The following ACVR1 variants were observed in gnomAD, a reference collection of about 807,000 sequenced individuals.
ACVR1 encodes activin receptor type-1.
A neutral mutation model predicts 57.1 loss-of-function variants in ACVR1; 38 were observed. The ratio of observed to expected loss-of-function variants is 0.67; its 90% CI spans 0.51 to 0.87. ACVR1 has a LOEUF of 0.87. Among genes scored for constraint, ACVR1 ranks in the 40% least tolerant of loss-of-function variants. The probability of loss-of-function intolerance (pLI) is 0.00; values close to 1 mark genes in which losing one functional copy is unlikely to be tolerated. For missense variants in ACVR1, 463 were observed against 638.2 expected (o/e 0.73, Z 2.96); for synonymous variants, 212 against 228.1 (o/e 0.93, Z 0.63).
At chr2:157,866,449 G>A (rs944536260) in intron 1 of ACVR1, among the ~76,000 whole-genome samples, 2 of 152,096 alleles carry the variant, frequency 1.3e-5, no homozygotes, top group African/African-American at 2.4e-5. Context: ...GGAGGCGGGG[G>A]GGAAAGCTTC....
intron 9 of ACVR1, among the ~76,000 whole-genome samples, chr2:157,741,573 C>T (rs543370329): frequency 2.0e-4 from 30 of 149,968 alleles, no homozygotes; most frequent in African/African-American, 5.9e-4. Context: ...TGCAGTGAGC[C>T]GAGATAGTGC....
intron 2 of ACVR1, among the ~76,000 whole-genome samples, chr2:157,809,169 C>T (rs966612896): frequency 6.6e-6 from 1 of 152,044 alleles, no homozygotes; most frequent in African/African-American, 2.4e-5. Flanking sequence ...AAAGTTTCTC[C>T]AAGTCACACA....
At chr2:157,863,698 AG>A (rs1193132266) in intron 1 of ACVR1, among the ~76,000 whole-genome samples, 1 of 151,670 alleles carries the variant, frequency 6.6e-6, no homozygotes, top group Non-Finnish European at 1.5e-5. Context: ...CTCCATCTCA[AG>A]AAAAAAAATA....
chr2:157,863,076 C>T (rs536528349), intron 1 of ACVR1, among the ~76,000 whole-genome samples: 68 of 113,628 alleles, frequency 6.0e-4, no homozygotes, highest in African/African-American at 2.1e-3. Flanking sequence ...GGCTGGAATG[C>T]GGTGGTGCGA....
intron 2 of ACVR1, among the ~76,000 whole-genome samples, chr2:157,812,667 G>A (rs374364718): frequency 3.3e-5 from 5 of 152,046 alleles, no homozygotes; most frequent in Non-Finnish European, 2.9e-5. Flanking sequence ...TCATATATAC[G>A]CAAACAATTA....
intron 9 of ACVR1, among the ~76,000 whole-genome samples, chr2:157,748,826 C>T (rs1685070257): frequency 6.6e-6 from 1 of 152,170 alleles, no homozygotes; most frequent in Non-Finnish European, 1.5e-5. Flanking sequence ...AATTCCACTA[C>T]CTCACAGAAA....
chr2:157,758,159 C>T (rs142277815), intron 9 of ACVR1, among the ~76,000 whole-genome samples: 1 of 151,986 alleles, frequency 6.6e-6, no homozygotes, highest in East Asian at 1.9e-4. Flanking sequence ...CAAATAAAAA[C>T]CAAAAGCAAA....
chr2:157,737,401 G>A lies in ACVR1; in HGVS notation c.*130C>T. 1 of 1,249,796 alleles carries A rather than the reference G, an allele frequency of 8.0e-7. No individual in the cohort carries two copies. Among genetic ancestry groups the A allele is most frequent in the South Asian group, 1.3e-5 (1 of 78,584 alleles). 77.4% of individuals were successfully genotyped at this position (1,249,796 alleles called of 1,614,324 possible). On this transcript the variant is annotated 3_prime_UTR_variant, in exon 11 of 11. Coordinates refer to ENST00000434821, the MANE Select transcript of ACVR1 (RefSeq NM_001111067.4). ...CAACACATGGCTGGGTACGACGTCT[G>A]CCTTGTCAAAGCAGCCATTTGGGGA...
At chr2:157,824,047 T>C (rs957333722) in intron 1 of ACVR1, among the ~76,000 whole-genome samples, 5 of 152,150 alleles carry the variant, frequency 3.3e-5, no homozygotes, top group Admixed American at 6.5e-5. Flanking sequence ...TAATAAATGG[T>C]AGCTAATGTT....
chr2:157,795,591 C>T (rs1171195127), intron 3 of ACVR1, among the ~76,000 whole-genome samples: 1 of 152,104 alleles, frequency 6.6e-6, no homozygotes, highest in Non-Finnish European at 1.5e-5. Flanking sequence ...TTGTAAACAT[C>T]CTAATGGTGG....
Position 157,736,642 on chromosome 2 carries a change from G to C in ACVR1, c.*889C>G. On this transcript the variant is annotated 3_prime_UTR_variant, in exon 11 of 11. Coordinates refer to ENST00000434821, the MANE Select transcript of ACVR1 (RefSeq NM_001111067.4). ...TTGCTTCTAAATCAGTAATATATTC[G>C]GTGGTGTCACGTGGGTAATGGCTAA... 3.2e-6 allele frequency: 1 copy of C among 311,906 alleles called. No individual in the cohort carries two copies. The highest frequency in any genetic ancestry group is 5.9e-6 in the Non-Finnish European group (1 of 169,006). The allele number at this position is 311,906 out of a possible 1,614,324, so 19.3% of individuals were successfully genotyped here.
intron 9 of ACVR1, among the ~76,000 whole-genome samples, chr2:157,746,454 G>C (rs113795333): frequency 5.6e-4 from 85 of 152,342 alleles, no homozygotes; most frequent in African/African-American, 2.0e-3. Flanking sequence ...CAGCTCCGGA[G>C]TGCACTCTTC....
In ACVR1 at chr2:157,737,484, G is replaced by A. The variant is rs55667327; in HGVS notation, c.*47C>T. 873 of 1,609,702 alleles carry A rather than the reference G, an allele frequency of 5.4e-4. 13 individuals carry two copies. The East Asian group carries it at 0.019, about 35-fold the overall frequency. On this transcript the variant is annotated 3_prime_UTR_variant, in exon 11 of 11. Coordinates refer to ENST00000434821, the MANE Select transcript of ACVR1 (RefSeq NM_001111067.4). ...TCAGGCCAGCATTAGGTCCCAGCTG[G>A]ACAATGACAACAACGTCAAATCTTC...
intron 1 of ACVR1, among the ~76,000 whole-genome samples, chr2:157,842,005 C>T (rs1288327564): frequency 3.8e-4 from 49 of 129,602 alleles, no homozygotes; most frequent in African/African-American, 1.4e-3. Context: ...CCAGCCTGGG[C>T]GACACAGAGA....
At chr2:157,850,678 C>T (rs1689265050) in intron 1 of ACVR1, among the ~76,000 whole-genome samples, 2 of 152,146 alleles carry the variant, frequency 1.3e-5, no homozygotes, top group South Asian at 4.1e-4. Context: ...TTTACTTGGA[C>T]AGGGGCAGTG....
At chr2:157,867,066 T>A (rs979358562) in intron 1 of ACVR1, among the ~76,000 whole-genome samples, 4 of 152,126 alleles carry the variant, frequency 2.6e-5, no homozygotes, top group African/African-American at 9.7e-5. Context: ...GGGTTCTTGC[T>A]CTCCCAGAAC....
chr2:157,858,168 A>C lies in ACVR1; in HGVS notation c.-183+17628T>G, dbSNP rs138505044. Reference sequence around the variant, plus strand: ...AACTTACCAACAAAATGCCCTCTTGAGCTCTTCTCTTACTGGGTTCTCAGG... The same window carrying C: ...AACTTACCAACAAAATGCCCTCTTGCGCTCTTCTCTTACTGGGTTCTCAGG... On this transcript the variant is annotated intron_variant, in intron 1 of 10. Coordinates refer to ENST00000434821, the MANE Select transcript of ACVR1 (RefSeq NM_001111067.4). 4.8e-3 allele frequency among the ~76,000 whole-genome samples: 731 copies of C among 152,134 alleles called. 3 individuals carry two copies. The highest frequency in any genetic ancestry group is 7.6e-3 in the Non-Finnish European group (516 of 67,996).
chr2:157,739,657 G>A (rs759081043), intron 9 of ACVR1, among the ~76,000 whole-genome samples: 112 of 152,158 alleles, frequency 7.4e-4, no homozygotes, highest in Non-Finnish European at 1.2e-3. Context: ...TAATTCGGTT[G>A]TTCTAGTTCC....
intron 7 of ACVR1, among the ~76,000 whole-genome samples, chr2:157,767,555 G>A (rs1225550638): frequency 6.6e-6 from 1 of 152,162 alleles, no homozygotes; most frequent in Non-Finnish European, 1.5e-5. Context: ...TTTTTAAGAC[G>A]GATATGGCTT....
Sources: gnomAD v4.1 joint callset for allele counts (sites outside exome capture counted in the v4.1 genomes callset) on GRCh38, gnomAD v4.1.1 for gene constraint, MANE v1.5 for transcripts, NCBI Gene and HGNC (gene_info 2026-07-23, HGNC 2026-07-21) for gene names.